The following GRM8 variants were observed in gnomAD, a reference collection of about 807,000 sequenced individuals.
GRM8 encodes the protein glutamate metabotropic receptor 8.
In GRM8, 47 loss-of-function variants were observed where a neutral mutation model predicts 87.2. The ratio of observed to expected loss-of-function variants is 0.54; its 90% CI spans 0.43 to 0.69. The LOEUF is 0.69. GRM8 is among the 30% of genes least tolerant of loss of function. GRM8 has a pLI of 0.00. For synonymous variants in GRM8, 396 were observed against 404.5 expected (o/e 0.98, Z 0.25); for missense variants, 1,019 against 1,139.2 (o/e 0.89, Z 1.52).
intron 3 of GRM8, among the ~76,000 whole-genome samples, chr7:126,930,627 C>T (rs1168588710): frequency 6.6e-6 from 1 of 152,150 alleles, no homozygotes; most frequent in Non-Finnish European, 1.5e-5. Flanking sequence ...ATCCTATCAG[C>T]CTAATTGTTA....
chr7:127,164,572 A>G (rs540137082), intron 2 of GRM8, among the ~76,000 whole-genome samples: 32 of 152,320 alleles, frequency 2.1e-4, no homozygotes, highest in Non-Finnish European at 3.8e-4. Context: ...CAATGTATTC[A>G]TTCAGTTTGG....
chr7:126,603,404 G>A (rs941574446), intron 8 of GRM8, among the ~76,000 whole-genome samples: 2 of 150,736 alleles, frequency 1.3e-5, no homozygotes, highest in Non-Finnish European at 3.0e-5. Flanking sequence ...GGCAGGAGAA[G>A]GAAATAAAGG....
At chr7:127,136,350 G>A (rs1827944196) in intron 2 of GRM8, among the ~76,000 whole-genome samples, 1 of 152,034 alleles carries the variant, frequency 6.6e-6, no homozygotes. Flanking sequence ...CTAATAGCCA[G>A]AAGCATCACT....
At chr7:126,471,926 C>A (rs919441538) in intron 9 of GRM8, among the ~76,000 whole-genome samples, 1 of 152,062 alleles carries the variant, frequency 6.6e-6, no homozygotes, top group Admixed American at 6.5e-5. Flanking sequence ...GAGTTGGATT[C>A]CTAGGTATTT....
intron 3 of GRM8, among the ~76,000 whole-genome samples, chr7:127,025,243 T>G (rs1442529097): frequency 6.6e-6 from 1 of 152,076 alleles, no homozygotes; most frequent in Non-Finnish European, 1.5e-5. Context: ...GGTCTTTTGA[T>G]AGAGAGTGGA....
intron 8 of GRM8, among the ~76,000 whole-genome samples, chr7:126,558,908 C>T (rs2150952501): frequency 6.6e-6 from 1 of 152,114 alleles, no homozygotes. Flanking sequence ...AACCAAAGAC[C>T]AGGAATAGTT....
intron 3 of GRM8, among the ~76,000 whole-genome samples, chr7:127,027,284 G>T (rs971905880): frequency 6.6e-6 from 1 of 152,120 alleles, no homozygotes. Context: ...CTCCAGCTTT[G>T]TTCTTTTTGC....
chr7:126,713,685 G>A (rs1811381944), intron 7 of GRM8, among the ~76,000 whole-genome samples: 1 of 151,860 alleles, frequency 6.6e-6, no homozygotes, highest in Admixed American at 6.6e-5. Context: ...TAATACAGTG[G>A]CATTCTTCAA....
At chr7:127,097,113 T>C (rs983130910) in intron 3 of GRM8, among the ~76,000 whole-genome samples, 8 of 152,074 alleles carry the variant, frequency 5.3e-5, no homozygotes, top group Admixed American at 2.6e-4. Context: ...AAACACATGC[T>C]GATAGAAAAG....
chr7:126,691,671 G>A (rs894167521), intron 7 of GRM8, among the ~76,000 whole-genome samples: 1 of 152,188 alleles, frequency 6.6e-6, no homozygotes, highest in Non-Finnish European at 1.5e-5. Context: ...TTGGAGGAAT[G>A]AGAGTCTGTT....
At chr7:127,209,709 T>C (rs541001576) in intron 2 of GRM8, among the ~76,000 whole-genome samples, 6 of 152,316 alleles carry the variant, frequency 3.9e-5, no homozygotes, top group South Asian at 4.1e-4. Context: ...GCTAGCCTGA[T>C]GTAGCTCCAT....
chr7:126,524,177 G>C (rs1403358039), intron 9 of GRM8, among the ~76,000 whole-genome samples: 1 of 151,968 alleles, frequency 6.6e-6, no homozygotes, highest in Non-Finnish European at 1.5e-5. Flanking sequence ...TAAACAAAAA[G>C]TTAAAAAAAA....
At chr7:127,104,397 T>C (rs1825623071) in intron 3 of GRM8, among the ~76,000 whole-genome samples, 1 of 152,200 alleles carries the variant, frequency 6.6e-6, no homozygotes, top group Non-Finnish European at 1.5e-5. Flanking sequence ...GTTAAGTTGC[T>C]ACCATTTGCC....
intron 3 of GRM8, among the ~76,000 whole-genome samples, chr7:127,051,961 T>C (rs945661051): frequency 6.6e-6 from 1 of 152,192 alleles, no homozygotes; most frequent in East Asian, 1.9e-4. Flanking sequence ...TTACCCATTT[T>C]ATTTCTTCAA....
intron 7 of GRM8, among the ~76,000 whole-genome samples, chr7:126,652,453 G>A (rs907135626): frequency 1.3e-5 from 2 of 152,154 alleles, no homozygotes; most frequent in Non-Finnish European, 2.9e-5. Context: ...GTTGCCAAAG[G>A]AGACTAACAT....
At chr7:126,775,479 G>GTTTTTTTTTTTTGTTTTTTTTTTTTTT in intron 6 of GRM8, among the ~76,000 whole-genome samples, 1 of 104,748 alleles carries the variant, frequency 9.5e-6, no homozygotes, top group African/African-American at 4.3e-5. Flanking sequence ...TGACAAATAG[G>GTTTTTTTTTTTTGTTTTTTTTTTTTTT]TTTTTTTTTT....
At chr7:126,662,555 C>T (rs1355870577) in intron 7 of GRM8, among the ~76,000 whole-genome samples, 1 of 152,094 alleles carries the variant, frequency 6.6e-6, no homozygotes. Context: ...GGCAGGAAGG[C>T]ATATCTAAAG....
At chr7:126,802,507 A>G (rs73228908) in intron 6 of GRM8, among the ~76,000 whole-genome samples, 2,324 of 152,280 alleles carry the variant, frequency 0.015, 92 homozygotes, top group Admixed American at 0.081. Flanking sequence ...AACGTGGCAT[A>G]TATACACAAG....
At chr7:126,944,316 T>G (rs148972308) in intron 3 of GRM8, among the ~76,000 whole-genome samples, 1 of 151,976 alleles carries the variant, frequency 6.6e-6, no homozygotes, top group Non-Finnish European at 1.5e-5. Flanking sequence ...GAGGTGGACC[T>G]GGGCTGCATG....
Sources: gnomAD v4.1 joint callset for allele counts (sites outside exome capture counted in the v4.1 genomes callset) on GRCh38, gnomAD v4.1.1 for gene constraint, MANE v1.5 for transcripts, NCBI Gene and HGNC (gene_info 2026-07-23, HGNC 2026-07-21) for gene names.